The following OTOG variants were observed in gnomAD, a reference collection of about 807,000 sequenced individuals.
The protein encoded by OTOG is otogelin.
Under a neutral mutation model 313.8 loss-of-function variants are expected in OTOG, and 296 were observed. That is an observed-to-expected ratio of 0.94 (90% CI 0.86 to 1.04). The LOEUF (loss-of-function observed/expected upper bound fraction) is 1.04. OTOG is among the 50% of genes least tolerant of loss of function. The probability of loss-of-function intolerance (pLI) is 0.00; values close to 1 mark genes in which losing one functional copy is unlikely to be tolerated. For synonymous variants in OTOG, 1,533 were observed against 1,554.9 expected, an observed-to-expected ratio of 0.99 and a Z score of 0.33; for missense variants, 3,948 against 3,840.1, an observed-to-expected ratio of 1.03 and a Z score of -0.74.
At position 17,565,627 on chromosome 11, in the gene OTOG, G is replaced by T. The variant is rs148696239; in HGVS notation, c.1645-3529G>T. Among the ~76,000 whole-genome samples the T allele has an allele frequency of 2.7e-3, 411 of 152,264 alleles. 3 individuals carry two copies. Among genetic ancestry groups the T allele is most frequent in the Non-Finnish European group, 3.6e-3 (242 of 68,012 alleles). ...CATTATTTAGAACTTTTCTGCCAGG[G>T]AGATTTGTCTCTTTTCTCCCATTTA... On this transcript the variant is annotated intron_variant, in intron 15 of 55. Coordinates refer to ENST00000399397, the MANE Select transcript of OTOG (RefSeq NM_001292063.2).
chr11:17,626,024 T>A (rs540336982), intron 39 of OTOG, among the ~76,000 whole-genome samples: 1 of 152,208 alleles, frequency 6.6e-6, no homozygotes, highest in Non-Finnish European at 1.5e-5. Flanking sequence ...CATACAGATA[T>A]CCAGTTTCCC....
intron 38 of OTOG, among the ~76,000 whole-genome samples, chr11:17,613,079 A>C (rs550127898): frequency 6.6e-6 from 1 of 152,278 alleles, no homozygotes; most frequent in Admixed American, 6.5e-5. Context: ...GTGTGGCCCG[A>C]GGTCATGGGT....
Position 17,594,090 on chromosome 11 carries a change from T to C in OTOG, c.3332T>C (p.Ile1111Thr). Reference protein sequence around the residue: ...GLCGNFDLKTINEMRTPENLE... With the variant: ...GLCGNFDLKTTNEMRTPENLE... ...TGTGGGAACTTTGACTTAAAAACCA[T>C]CAATGAGATGAGGACCCCGGAGAAC... Residue 1111 changes from isoleucine (I) to threonine (T), a missense_variant, in exon 28 of 56, where the codon ATC becomes ACC. Transcript: ENST00000399397. The C allele has an allele frequency of 6.4e-7, 1 of 1,550,494 alleles. No individual in the cohort carries two copies.
chr11:17,601,338 T>C (rs555068864), intron 31 of OTOG, among the ~76,000 whole-genome samples: 315 of 152,092 alleles, frequency 2.1e-3, no homozygotes, highest in Middle Eastern at 0.014. Context: ...GCCCCAGAGG[T>C]TGAGTAGGCG....
At chr11:17,564,290 T>A (rs1006024816) in intron 15 of OTOG, among the ~76,000 whole-genome samples, 2 of 152,108 alleles carry the variant, frequency 1.3e-5, no homozygotes, top group African/African-American at 4.8e-5. Flanking sequence ...AGCTACAACA[T>A]GATCAGTGCC....
chr11:17,615,240 T>C (rs148168243), intron 39 of OTOG, among the ~76,000 whole-genome samples: 1 of 152,378 alleles, frequency 6.6e-6, no homozygotes, highest in Non-Finnish European at 1.5e-5. Flanking sequence ...GAACTTTTCC[T>C]GTGTATTTTG....
At chr11:17,634,979 A>G in intron 45 of OTOG, 31 bp downstream of exon 45, 3 of 1,522,904 alleles carry the variant, frequency 2.0e-6, no homozygotes, top group Non-Finnish European at 2.7e-6. Context: ...AGGGTGGGGG[A>G]CGGACTGAGG....
At position 17,570,287 on chromosome 11, in the gene OTOG, G is replaced by C. The variant is rs528477122; in HGVS notation, c.1852G>C (p.Asp618His). ...GAACGTGGGCGTGCGGGTGCTCTAC[G>C]ACCGTGAAGGGCTCCGACTGTACCT... ...RTNVGVRVLYDREGLRLYLQV... is the reference protein window; with the variant it reads ...RTNVGVRVLYHREGLRLYLQV... The change falls in exon 17 of 56, where the codon GAC (aspartate) becomes CAC (histidine). Residue 618 changes from aspartate to histidine, a missense_variant. By Grantham distance (81) the Asp-to-His change is moderately conservative. Coordinates refer to ENST00000399397, the MANE Select transcript of OTOG (RefSeq NM_001292063.2). 78 of 1,550,690 alleles carry C rather than the reference G, an allele frequency of 5.0e-5. No individual in the cohort carries two copies. The highest frequency in any genetic ancestry group is 8.2e-5 in the African/African-American group (6 of 73,050).
At chr11:17,607,323 T>C (rs117756796) in intron 33 of OTOG, among the ~76,000 whole-genome samples, 68 of 152,334 alleles carry the variant, frequency 4.5e-4, no homozygotes, top group Non-Finnish European at 8.8e-4. Flanking sequence ...CACCTCCCTG[T>C]TCAGGCTGTG....
intron 38 of OTOG, among the ~76,000 whole-genome samples, chr11:17,613,265 T>TTCTCTC (rs200487464): frequency 1.1e-4 from 15 of 138,804 alleles, no homozygotes; most frequent in South Asian, 9.8e-4. Context: ...CTTTCTTTCT[T>TTCTCTC]TCTCTCTCTG....
chr11:17,572,551 C>T (rs919723934), intron 18 of OTOG, among the ~76,000 whole-genome samples: 3 of 152,224 alleles, frequency 2.0e-5, no homozygotes, highest in Non-Finnish European at 4.4e-5. Flanking sequence ...CCCAGCTGCC[C>T]TGGCCTCCTT....
intron 19 of OTOG, among the ~76,000 whole-genome samples, chr11:17,574,518 G>A (rs748339156): frequency 3.9e-5 from 6 of 152,182 alleles, no homozygotes; most frequent in Non-Finnish European, 5.9e-5. Flanking sequence ...CTGCTTTGCC[G>A]TTCCAGTGTA....
At chr11:17,612,000 C>A (rs1316509540) in intron 36 of OTOG, among the ~76,000 whole-genome samples, 162 bp from the exon 37 acceptor site, 1 of 152,082 alleles carries the variant, frequency 6.6e-6, no homozygotes, top group Non-Finnish European at 1.5e-5. Flanking sequence ...CATCGCCAGG[C>A]CCCACATGGC....
Position 17,591,542 on chromosome 11 carries a change from G to A in OTOG, c.2960G>A (p.Gly987Glu). ...YGDRHYRTFD[G>E]LPFDFVGACK... The stretch of plus-strand genomic sequence containing the variant: ...GACCGGCATTACCGCACGTTTGATG[G>A]GCTCCCGTTTGACTTCGTGGGGGCA... The change falls in exon 25 of 56, where the codon GGG becomes GAG. Residue 987 changes from glycine (G) to glutamate (E), a missense_variant. Transcript: ENST00000399397. The A allele has an allele frequency of 6.4e-7, 1 of 1,550,628 alleles. No homozygotes were observed. Among genetic ancestry groups the A allele is most frequent in the Non-Finnish European group, 8.7e-7 (1 of 1,147,006 alleles).
At chr11:17,644,502 A>G (rs1848035152) in intron 54 of OTOG, among the ~76,000 whole-genome samples, 1 of 152,222 alleles carries the variant, frequency 6.6e-6, no homozygotes, top group Non-Finnish European at 1.5e-5. Flanking sequence ...TGTGCCAGAC[A>G]CTGTTCTAGG....
intron 39 of OTOG, among the ~76,000 whole-genome samples, chr11:17,616,075 TTA>T (rs1853711553): frequency 6.6e-6 from 1 of 152,202 alleles, no homozygotes; most frequent in Non-Finnish European, 1.5e-5. Flanking sequence ...GTTCTTTTTT[TTA>T]GAGACAGGGT....
At chr11:17,570,075 GGCAC>G in intron 16 of OTOG, 134 bp from the exon 17 acceptor site, 1 of 737,708 alleles carries the variant, frequency 1.4e-6, no homozygotes, top group Non-Finnish European at 2.2e-6. Flanking sequence ...CTTCATGGCA[GGCAC>G]GCAGGCAGGC....
Position 17,582,124 on chromosome 11 carries a change from T to G in OTOG, c.2759+3598T>G, listed in dbSNP as rs1274185691. On this transcript the variant is annotated intron_variant, in intron 23 of 55. Transcript: ENST00000399397. ...GTGTATGGTTTGATGAATTTTGACA[T>G]CTATGTATATATCATCATAATTAAG... 2.0e-5 allele frequency among the ~76,000 whole-genome samples: 3 copies of G among 152,330 alleles called. No homozygotes were observed. In the East Asian group the frequency reaches 5.8e-4, roughly 29 times the overall value.
At position 17,645,893 on chromosome 11, in the gene OTOG, G is replaced by C; in HGVS notation, c.8691G>C (p.Trp2897Cys). The stretch of plus-strand genomic sequence containing the variant: ...TCTTCTGTGCCACCAATGCCACCTG[G>C]GTGCCCTATACAGTGCAGGAGCCCA... ...VQLFCATNAT[W>C]VPYTVQEPTD... Residue 2897 changes from tryptophan (W) to cysteine (C), a missense_variant, in exon 56 of 56, where the codon TGG becomes TGC. Transcript: ENST00000399397. 1.3e-6 allele frequency: 2 copies of C among 1,550,516 alleles called. No homozygotes were observed. The highest frequency in any genetic ancestry group is 8.7e-7 in the Non-Finnish European group (1 of 1,147,006).
Sources: allele counts gnomAD v4.1 joint callset (sites outside exome capture counted in the v4.1 genomes callset), GRCh38; gene constraint gnomAD v4.1.1; transcripts MANE v1.5; gene names NCBI Gene and HGNC (gene_info 2026-07-23, HGNC 2026-07-21).